Variants in NCF2 observed in about 807,000 individuals in gnomAD.
NCF2 encodes the protein neutrophil cytosol factor 2.
A neutral mutation model predicts 70.9 loss-of-function variants in NCF2; 45 were observed. That is an observed-to-expected ratio of 0.63 (90% confidence interval 0.50 to 0.81). The LOEUF is 0.81. NCF2 is among the 40% of genes least tolerant of loss of function. The pLI is 0.00. For synonymous variants in NCF2, 203 were observed against 233.6 expected (o/e 0.87, Z 1.19); for missense variants, 522 against 631.6 (o/e 0.83, Z 1.86).
the NCF2 span, among the ~76,000 whole-genome samples, chr1:183,599,440 T>TTC: frequency 1.0e-5 from 1 of 99,162 alleles, no homozygotes; most frequent in African/African-American, 3.4e-5. Flanking sequence ...CTTTCTTTCT[T>TTC]TCTTTCTTTC....
rs556944587 is a variant in NCF2 at position 183,562,704 on chromosome 1, G to A, written c.1290+491C>T. On this transcript the variant is annotated intron_variant, in intron 13 of 14. Transcript: ENST00000367535. ...AAAAATTAGCTGGGTGCAGTGGCAG[G>A]TGCCTGTAATCCCAGCTACTCAGGA... Among the ~76,000 whole-genome samples the A allele has an allele frequency of 6.6e-5, 10 of 151,976 alleles. No homozygotes were observed. The South Asian group carries it at 2.1e-3, about 32-fold the overall frequency.
upstream of NCF2, chr1:183,590,619 G>C: frequency 2.1e-6 from 1 of 467,648 alleles, no homozygotes; most frequent in South Asian, 2.1e-5. Flanking sequence ...GAGAGAGGAA[G>C]TACATCAGCT....
chr1:183,573,382 C>T lies in NCF2; in HGVS notation c.502-90G>A. On this transcript the variant is annotated intron_variant, in intron 4 of 14. Transcript: ENST00000367535. Reference sequence around the variant, plus strand: ...CCCTCAGTGAATAGATGCAAGAATTCATTGAGATAACCACATAGAAGCCCT... The same window carrying T: ...CCCTCAGTGAATAGATGCAAGAATTTATTGAGATAACCACATAGAAGCCCT... The T allele has an allele frequency of 2.6e-6, 3 of 1,166,892 alleles. No homozygotes were observed. In the Admixed American group the frequency reaches 5.1e-5, roughly 20 times the overall value. The allele number at this position is 1,166,892 out of a possible 1,614,324, so 72.3% of individuals were successfully genotyped here.
intron 2 of NCF2, among the ~76,000 whole-genome samples, chr1:183,584,771 GA>G (rs1243386883): frequency 1.3e-5 from 2 of 152,206 alleles, no homozygotes; most frequent in Non-Finnish European, 2.9e-5. Context: ...AGGATGTTAA[GA>G]GCGGGGACAG....
At chr1:183,592,029 T>TG (rs1271932556), upstream of NCF2, among the ~76,000 whole-genome samples, 2 of 152,162 alleles carry the variant, frequency 1.3e-5, no homozygotes, top group Non-Finnish European at 2.9e-5. Flanking sequence ...GAGGAATAAC[T>TG]GGGGGTAAAG....
chr1:183,559,364 GAC>G (rs1671936860), intron 14 of NCF2, among the ~76,000 whole-genome samples: 2 of 152,170 alleles, frequency 1.3e-5, no homozygotes, highest in Admixed American at 6.5e-5. Context: ...AGTCACCAGA[GAC>G]ACAGGATAGT....
At chr1:183,599,478 C>CTTTCTTTCTTTCT in the NCF2 span, among the ~76,000 whole-genome samples, 2 of 125,298 alleles carry the variant, frequency 1.6e-5, no homozygotes, top group Non-Finnish European at 3.4e-5. Flanking sequence ...TTCTTTCTTT[C>CTTTCTTTCTTTCT]TTTCTCTTTT....
At chr1:183,569,271 G>T in intron 6 of NCF2, 86 bp from the exon 7 acceptor site, 2 of 1,231,844 alleles carry the variant, frequency 1.6e-6, no homozygotes, top group Non-Finnish European at 2.4e-6. Flanking sequence ...GGTAATTTGA[G>T]CATTCTTCCA....
the NCF2 span, among the ~76,000 whole-genome samples, chr1:183,598,841 C>T: frequency 2.2e-4 from 34 of 152,086 alleles, no homozygotes; most frequent in African/African-American, 8.0e-4. Flanking sequence ...AACCAGGAAT[C>T]GATAGAATTT....
At chr1:183,581,592 G>T (rs1457487852) in intron 2 of NCF2, among the ~76,000 whole-genome samples, 1 of 151,814 alleles carries the variant, frequency 6.6e-6, no homozygotes. Flanking sequence ...GCCTCCCAAA[G>T]TACAAAGACT....
chr1:183,595,789 A>G (rs191816261), upstream of NCF2, among the ~76,000 whole-genome samples: 350 of 152,272 alleles, frequency 2.3e-3, 1 homozygote, highest in Admixed American at 5.2e-3. Flanking sequence ...TTTAAAGCCA[A>G]CTGCTTAGGG....
intron 10 of NCF2, among the ~76,000 whole-genome samples, chr1:183,564,639 C>G (rs1232051202): frequency 6.6e-6 from 1 of 152,138 alleles, no homozygotes; most frequent in Non-Finnish European, 1.5e-5. Context: ...AGCCCCATTC[C>G]AGTCCTAAAA....
upstream of NCF2, among the ~76,000 whole-genome samples, chr1:183,593,778 C>T (rs1047041121): frequency 1.3e-5 from 2 of 152,190 alleles, no homozygotes; most frequent in African/African-American, 4.8e-5. Flanking sequence ...TGTTAGTAGA[C>T]GGTCTGTTCA....
intron 1 of NCF2, 136 bp downstream of exon 1, chr1:183,590,020 G>T: frequency 1.5e-6 from 2 of 1,327,136 alleles, no homozygotes; most frequent in South Asian, 1.2e-5. Flanking sequence ...GTTAAATCAG[G>T]CTGTCTAGGG....
At chr1:183,594,846 G>C (rs576398025), upstream of NCF2, among the ~76,000 whole-genome samples, 3 of 152,014 alleles carry the variant, frequency 2.0e-5, no homozygotes, top group African/African-American at 7.2e-5. Context: ...CATTATTCCT[G>C]GGCACTCAGG....
chr1:183,572,850 T>A (rs1428961613), intron 5 of NCF2, among the ~76,000 whole-genome samples: 1 of 152,106 alleles, frequency 6.6e-6, no homozygotes, highest in Non-Finnish European at 1.5e-5. Flanking sequence ...AGGCATGAGC[T>A]ACCCTGCCTG....
At chr1:183,590,092 A>G (rs1673569952) in intron 1 of NCF2, 64 bp downstream of exon 1, 3 of 1,607,366 alleles carry the variant, frequency 1.9e-6, no homozygotes, top group African/African-American at 2.7e-5. Context: ...CCGAAATGCA[A>G]TGGGGTTGAG....
chr1:183,578,600 G>A (rs904137400), intron 2 of NCF2, among the ~76,000 whole-genome samples: 13 of 152,146 alleles, frequency 8.5e-5, no homozygotes, highest in African/African-American at 2.9e-4. Context: ...TCCTGACCTC[G>A]ACTGATCTGC....
intron 13 of NCF2, among the ~76,000 whole-genome samples, chr1:183,561,474 A>G (rs1672044917): frequency 6.6e-6 from 1 of 152,192 alleles, no homozygotes; most frequent in East Asian, 1.9e-4. Context: ...GAAGAATTCA[A>G]TGAGATGACA....
Sources: gnomAD v4.1 joint callset for allele counts (sites outside exome capture counted in the v4.1 genomes callset) on GRCh38, gnomAD v4.1.1 for gene constraint, MANE v1.5 for transcripts, NCBI Gene and HGNC (gene_info 2026-07-23, HGNC 2026-07-21) for gene names.